The following PRKN variants were observed in gnomAD, a reference collection of about 807,000 sequenced individuals.
The protein encoded by PRKN is E3 ubiquitin-protein ligase parkin.
PRKN carries 56 observed loss-of-function variants against 59.5 expected under a neutral mutation model. The ratio of observed to expected loss-of-function variants is 0.94; its 90% CI spans 0.76 to 1.18. The LOEUF (loss-of-function observed/expected upper bound fraction) is 1.18, where lower values mean the gene tolerates loss of function less well. Ranked by LOEUF, PRKN falls within the 50% of genes most tolerant of loss-of-function variation. The pLI is 0.00. For missense variants in PRKN, 657 were observed against 596.4 expected (o/e 1.10, Z -1.06); for synonymous variants, 250 against 222.1 (o/e 1.13, Z -1.12).
At chr6:162,049,680 C>G (rs1777543599) in intron 5 of PRKN, among the ~76,000 whole-genome samples, 1 of 152,084 alleles carries the variant, frequency 6.6e-6, no homozygotes, top group Non-Finnish European at 1.5e-5. Flanking sequence ...GTTGTTTGTT[C>G]CCTTATTTCC....
At chr6:161,834,857 G>T (rs1320363277) in intron 6 of PRKN, among the ~76,000 whole-genome samples, 1 of 152,192 alleles carries the variant, frequency 6.6e-6, no homozygotes, top group Admixed American at 6.5e-5. Context: ...TTGTACCATT[G>T]CCTGCCTGGG....
chr6:162,613,932 T>C (rs775376638), intron 1 of PRKN, among the ~76,000 whole-genome samples: 1 of 152,134 alleles, frequency 6.6e-6, no homozygotes, highest in Admixed American at 6.6e-5. Context: ...ACAGGTACTG[T>C]TGCAATCACT....
rs1487243279 is a variant in PRKN, at chr6:161,578,002, G to A, written c.872-8586C>T. On this transcript the variant is annotated intron_variant, in intron 7 of 11. Coordinates refer to ENST00000366898, the MANE Select transcript of PRKN (RefSeq NM_004562.3). This position sits in a 1 kb window ranked among gnomAD's most constrained non-coding sequence, Gnocchi z 4.2. The stretch of plus-strand genomic sequence containing the variant: ...GTACACTTACTATGCGTAACGCCAG[G>A]GGCCATAGAGAAATCATAAATGAAT... Among the ~76,000 whole-genome samples the A allele has an allele frequency of 6.6e-6, 1 of 152,078 alleles. No homozygotes were observed. The highest frequency in any genetic ancestry group is 2.4e-5 in the African/African-American group (1 of 41,406).
intron 7 of PRKN, among the ~76,000 whole-genome samples, chr6:161,623,215 C>A (rs895235820): frequency 1.6e-4 from 25 of 152,268 alleles, no homozygotes; most frequent in African/African-American, 5.1e-4. Context: ...CTGAGATATC[C>A]CCAAGCTGGG....
rs1047085634 is a variant in PRKN at position 161,444,747 on chromosome 6, G to A, written c.1084-57870C>T. Among the ~76,000 whole-genome samples the A allele has an allele frequency of 6.6e-6, 1 of 152,170 alleles. No individual in the cohort carries two copies. Among genetic ancestry groups the A allele is most frequent in the African/African-American group, 2.4e-5 (1 of 41,446 alleles). On this transcript the variant is annotated intron_variant, in intron 9 of 11. Transcript: ENST00000366898. The surrounding 1 kb of genome is among the most constrained non-coding windows in gnomAD (Gnocchi z 5.6). Reference sequence around the variant, plus strand: ...ATTTGTTCCCCTTGATGAATGAAACGGCACTCTTGACATGCTGTACGGACA... The same window carrying A: ...ATTTGTTCCCCTTGATGAATGAAACAGCACTCTTGACATGCTGTACGGACA...
chr6:161,433,558 A>G lies in PRKN; in HGVS notation c.1084-46681T>C, dbSNP rs150584979. Among the ~76,000 whole-genome samples, 320 of 152,332 alleles carry G rather than the reference A, an allele frequency of 2.1e-3. 3 individuals are homozygous for G. Among genetic ancestry groups the G allele is most frequent in the African/African-American group, 7.0e-3 (290 of 41,558 alleles). ...AAATATAAACACATGTTAGAGAATAAGAGAAGTGAAATGGACTACTAGGAG... is the reference window on the plus strand; with the variant it reads ...AAATATAAACACATGTTAGAGAATAGGAGAAGTGAAATGGACTACTAGGAG... On this transcript the variant is annotated intron_variant, in intron 9 of 11. Transcript: ENST00000366898.
intron 6 of PRKN, among the ~76,000 whole-genome samples, chr6:161,945,157 TTATGGGAGGCCGGA>T (rs1432719389): frequency 6.6e-6 from 1 of 152,158 alleles, no homozygotes; most frequent in African/African-American, 2.4e-5. Flanking sequence ...AAAGCCTTAG[TTATGGGAGGCCGGA>T]TTGGAAGTTT....
chr6:161,869,085 A>C (rs1794235604), intron 6 of PRKN, among the ~76,000 whole-genome samples: 1 of 152,208 alleles, frequency 6.6e-6, no homozygotes, highest in Admixed American at 6.5e-5. Flanking sequence ...GTTATTAAAA[A>C]TTAAAGGGGA....
At chr6:162,213,261 G>A (rs1465710210) in intron 3 of PRKN, among the ~76,000 whole-genome samples, 3 of 152,054 alleles carry the variant, frequency 2.0e-5, no homozygotes, top group Admixed American at 6.6e-5. Flanking sequence ...AAATATTGGG[G>A]GAAATCTCAT....
chr6:162,535,777 T>C (rs756675682), intron 1 of PRKN, among the ~76,000 whole-genome samples: 10 of 151,684 alleles, frequency 6.6e-5, no homozygotes, highest in Non-Finnish European at 1.3e-4. Flanking sequence ...GGCACGGTGG[T>C]ACATGCCTAT....
chr6:162,418,161 A>G (rs1788741692), intron 2 of PRKN, among the ~76,000 whole-genome samples: 1 of 152,252 alleles, frequency 6.6e-6, no homozygotes, highest in African/African-American at 2.4e-5. Flanking sequence ...CATACAATGG[A>G]ATATTATTTG....
At chr6:162,294,794 A>C (rs1781594322) in intron 2 of PRKN, among the ~76,000 whole-genome samples, 1 of 152,218 alleles carries the variant, frequency 6.6e-6, no homozygotes, top group Non-Finnish European at 1.5e-5. Context: ...TAGAAAAAAG[A>C]GTAAGAAAAG....
At chr6:161,933,524 A>T (rs1353542167) in intron 6 of PRKN, among the ~76,000 whole-genome samples, 1 of 152,076 alleles carries the variant, frequency 6.6e-6, no homozygotes, top group Non-Finnish European at 1.5e-5. Context: ...GCCTCTGAAA[A>T]ACTCCGTAGC....
chr6:161,653,644 G>C (rs2128162666), intron 7 of PRKN, among the ~76,000 whole-genome samples: 1 of 152,240 alleles, frequency 6.6e-6, no homozygotes, highest in Middle Eastern at 3.4e-3. Flanking sequence ...ACTTCCCACT[G>C]TCTGTCCTCC....
In PRKN at chr6:161,414,440, C is replaced by A. The variant is rs1187124462; in HGVS notation, c.1084-27563G>T. ...TTGGCCTCCAGCCACGGCTTCCGTG[C>A]CATGTCCCAAATGCAAAGTGCCACT... On this transcript the variant is annotated intron_variant, in intron 9 of 11. Coordinates refer to ENST00000366898, the MANE Select transcript of PRKN (RefSeq NM_004562.3). This position sits in a 1 kb window ranked among gnomAD's most constrained non-coding sequence, Gnocchi z 5.3. 1.3e-5 allele frequency among the ~76,000 whole-genome samples: 2 copies of A among 152,200 alleles called. No individual in the cohort carries two copies. The highest frequency in any genetic ancestry group is 4.8e-5 in the African/African-American group (2 of 41,442).
At chr6:161,820,538 A>G (rs924942937) in intron 6 of PRKN, among the ~76,000 whole-genome samples, 3 of 147,786 alleles carry the variant, frequency 2.0e-5, no homozygotes, top group African/African-American at 7.3e-5. Context: ...TAAAAATTTT[A>G]TTCATTTACT....
rs761385280 is a variant in PRKN at position 162,056,726 on chromosome 6, T to C, written c.535-2552A>G. Among the ~76,000 whole-genome samples, 13 of 152,148 alleles carry C rather than the reference T, an allele frequency of 8.5e-5. No individual in the cohort carries two copies. The highest frequency in any genetic ancestry group is 1.9e-4 in the Non-Finnish European group (13 of 68,014). On this transcript the variant is annotated intron_variant, in intron 4 of 11. Transcript: ENST00000366898. The surrounding 1 kb of genome is among the most constrained non-coding windows in gnomAD (Gnocchi z 4.9). ...GAGCCTGAACTGTCTGCACAAACCA[T>C]GGCTATGCACAACATCTTCTCACCC...
rs1442867616 is a variant in PRKN at position 161,356,976 on chromosome 6, A to G, written c.1285+3112T>C. 1.3e-5 allele frequency among the ~76,000 whole-genome samples: 2 copies of G among 151,748 alleles called. No homozygotes were observed. Among genetic ancestry groups the G allele is most frequent in the Non-Finnish European group, 2.9e-5 (2 of 67,986 alleles). On this transcript the variant is annotated intron_variant, in intron 11 of 11. Coordinates refer to ENST00000366898, the MANE Select transcript of PRKN (RefSeq NM_004562.3). This position sits in a 1 kb window ranked among gnomAD's most constrained non-coding sequence, Gnocchi z 7.8. Reference sequence around the variant, plus strand: ...GTCTCAGGTGTCCCCACAAGCCGACAGTAAGTGCTGAACCAAACAACCACG... The same window carrying G: ...GTCTCAGGTGTCCCCACAAGCCGACGGTAAGTGCTGAACCAAACAACCACG...
At chr6:161,748,631 A>C (rs1197645814) in intron 7 of PRKN, among the ~76,000 whole-genome samples, 1 of 152,136 alleles carries the variant, frequency 6.6e-6, no homozygotes, top group Non-Finnish European at 1.5e-5. Flanking sequence ...GGCAAGGGGC[A>C]CTTGTCGGGT....
Sources: allele counts gnomAD v4.1 joint callset (sites outside exome capture counted in the v4.1 genomes callset), GRCh38; gene constraint gnomAD v4.1.1; non-coding constraint Gnocchi (gnomAD v3.1); transcripts MANE v1.5; gene names NCBI Gene and HGNC (gene_info 2026-07-23, HGNC 2026-07-21).